Variants in AKR1C3 observed in about 807,000 individuals in gnomAD.
The protein encoded by AKR1C3 is 3-alpha hydroxysteroid dehydrogenase, type II.
Under a neutral mutation model 43.6 loss-of-function variants are expected in AKR1C3, and 48 were observed. That is an observed-to-expected ratio of 1.10 (90% CI 0.87 to 1.40). The LOEUF is 1.40. Among genes scored for constraint, AKR1C3 ranks in the 40% most tolerant of loss-of-function variants. AKR1C3 has a pLI of 0.00. For missense variants in AKR1C3, 482 were observed against 391.2 expected, an observed-to-expected ratio of 1.23 and a Z score of -1.96; for synonymous variants, 162 against 139.6, an observed-to-expected ratio of 1.16 and a Z score of -1.13.
At chr10:5,084,488 T>C (rs1838917227) in intron 1 of AKR1C3, among the ~76,000 whole-genome samples, 1 of 151,962 alleles carries the variant, frequency 6.6e-6, no homozygotes, top group African/African-American at 2.4e-5. Flanking sequence ...AGCCTTGTAG[T>C]ATAGTTTGAA....
chr10:5,059,375 T>C (rs142906126), intron 1 of AKR1C3, among the ~76,000 whole-genome samples: 110 of 152,216 alleles, frequency 7.2e-4, no homozygotes, highest in African/African-American at 2.5e-3. Flanking sequence ...TCAGGATAGA[T>C]AGGATAGATG....
intron 3 of AKR1C3, 49 bp from the exon 4 acceptor site, chr10:5,098,753 G>C: frequency 6.7e-7 from 1 of 1,502,376 alleles, no homozygotes; most frequent in Non-Finnish European, 9.3e-7. Context: ...ACAGCTATGA[G>C]TGGAGAAATT....
At chr10:5,085,054 T>C (rs1422072370) in intron 1 of AKR1C3, among the ~76,000 whole-genome samples, 22 of 152,292 alleles carry the variant, frequency 1.4e-4, no homozygotes, top group African/African-American at 5.3e-4. Flanking sequence ...CTTTTCCTAA[T>C]TGAATACCCT....
intron 1 of AKR1C3, among the ~76,000 whole-genome samples, chr10:5,087,918 G>A (rs978137730): frequency 6.6e-6 from 1 of 151,846 alleles, no homozygotes; most frequent in Non-Finnish European, 1.5e-5. Flanking sequence ...GTGACTTTAG[G>A]TGGTGAGTTT....
At chr10:5,091,492 T>A (rs1255528941), upstream of AKR1C3, among the ~76,000 whole-genome samples, 2 of 152,182 alleles carry the variant, frequency 1.3e-5, no homozygotes, top group Non-Finnish European at 2.9e-5. Context: ...TTTAGCTTTT[T>A]GTCCTTCATA....
In AKR1C3 at chr10:5,085,002, A is replaced by G. The variant is rs1201437067; in HGVS notation, c.85-11408A>G. 1.5e-4 allele frequency among the ~76,000 whole-genome samples: 23 copies of G among 152,290 alleles called. No individual in the cohort carries two copies. In the East Asian group the frequency reaches 4.1e-3, roughly 27 times the overall value. On this transcript the variant is annotated intron_variant, in intron 1 of 8. Coordinates refer to the AKR1C3 transcript ENST00000439082. The stretch of plus-strand genomic sequence containing the variant: ...GCTGAGACAATGGGGTTTTCTAGAT[A>G]CACAATCATGTCATCTGCAAACAGG...
intron 1 of AKR1C3, among the ~76,000 whole-genome samples, chr10:5,056,392 T>C (rs1207705244): frequency 1.3e-5 from 2 of 152,146 alleles, no homozygotes; most frequent in African/African-American, 4.8e-5. Context: ...TGGGTACAAC[T>C]GGATATAGAG....
Position 5,099,489 on chromosome 10 carries a change from C to T in AKR1C3, c.570+40C>T, listed in dbSNP as rs782613157. On this transcript the variant is annotated intron_variant, in intron 5 of 8. Coordinates refer to ENST00000380554, the MANE Select transcript of AKR1C3 (RefSeq NM_003739.6). Reference sequence around the variant, plus strand: ...CCTTCTCTCCTTTCGGTTCTTCATGCCCCCTCTTCCTGTCCTATTGCCAAA... The same window carrying T: ...CCTTCTCTCCTTTCGGTTCTTCATGTCCCCTCTTCCTGTCCTATTGCCAAA... The T allele has an allele frequency of 1.1e-5, 17 of 1,613,370 alleles. No individual in the cohort carries two copies. In the East Asian group the frequency reaches 2.0e-4, roughly 19 times the overall value.
chr10:5,076,210 C>A (rs1452020495), intron 1 of AKR1C3, among the ~76,000 whole-genome samples: 1 of 152,140 alleles, frequency 6.6e-6, no homozygotes, highest in Non-Finnish European at 1.5e-5. Flanking sequence ...TACCTACTTG[C>A]TATGGTTTGA....
rs1450135550 is a variant in AKR1C3 at position 5,106,765 on chromosome 10, G to T, written c.930-696G>T. Among the ~76,000 whole-genome samples, 32 of 134,446 alleles carry T rather than the reference G, an allele frequency of 2.4e-4. 1 individual carries two copies. Among genetic ancestry groups the T allele is most frequent in the Middle Eastern group, 8.2e-3 (2 of 244 alleles). 88.2% of individuals were successfully genotyped at this position (134,446 alleles called of 152,430 possible). On this transcript the variant is annotated intron_variant, in intron 8 of 8. Transcript: ENST00000380554. ...TGAGGCTCCATCTCAAAAAAAAAAAGCAGGAAGTTATGTAACTGCTGGCAG... is the reference window on the plus strand; with the variant it reads ...TGAGGCTCCATCTCAAAAAAAAAAATCAGGAAGTTATGTAACTGCTGGCAG...
At chr10:5,065,561 G>A (rs1166993491) in intron 1 of AKR1C3, among the ~76,000 whole-genome samples, 3 of 152,142 alleles carry the variant, frequency 2.0e-5, no homozygotes, top group Admixed American at 2.0e-4. Flanking sequence ...GAATAAAGTA[G>A]CAAAAGGAGA....
At chr10:5,095,747 TA>T (rs59890398) in intron 1 of AKR1C3, among the ~76,000 whole-genome samples, 145,074 of 152,124 alleles carry the variant, frequency 0.95, 69,220 homozygotes, top group East Asian at 1. Flanking sequence ...AGTAAATTCT[TA>T]ACAGATTTCA....
upstream of AKR1C3, among the ~76,000 whole-genome samples, chr10:5,092,186 CAG>C (rs1350296429): frequency 6.6e-6 from 1 of 152,060 alleles, no homozygotes; most frequent in African/African-American, 2.4e-5. Flanking sequence ...GTACATAATA[CAG>C]AGTTATGTTT....
At position 5,105,653 on chromosome 10, in the gene AKR1C3, A is replaced by G; in HGVS notation, c.905A>G (p.Asn302Ser). 6.2e-7 allele frequency: 1 copy of G among 1,613,880 alleles called. No individual in the cohort carries two copies. Among genetic ancestry groups the G allele is most frequent in the Non-Finnish European group, 8.5e-7 (1 of 1,179,780 alleles). The change falls in exon 8 of 9, where the codon AAT becomes AGT. Residue 302 changes from asparagine (N) to serine (S), a missense_variant. Transcript: ENST00000380554. ...DMKAIDGLDR[N>S]LHYFNSDSFA... ...AAAGCCATAGATGGCCTAGACAGAA[A>G]TCTCCACTATTTTAACAGTGATAGG...
intron 6 of AKR1C3, 58 bp downstream of exon 6, chr10:5,102,268 C>A: frequency 6.3e-7 from 1 of 1,580,462 alleles, no homozygotes; most frequent in South Asian, 1.1e-5. Context: ...ATTTTTTAGT[C>A]AGAGCATCCT....
chr10:5,092,445 C>A (rs1279943520), upstream of AKR1C3, among the ~76,000 whole-genome samples: 3 of 150,468 alleles, frequency 2.0e-5, no homozygotes, highest in Non-Finnish European at 4.4e-5. Flanking sequence ...TTGATGGTGT[C>A]CTACAAGCCC....
intron 1 of AKR1C3, among the ~76,000 whole-genome samples, chr10:5,086,797 T>C (rs184045075): frequency 6.6e-6 from 1 of 152,364 alleles, no homozygotes; most frequent in Non-Finnish European, 1.5e-5. Flanking sequence ...TAGTTAGCTC[T>C]TCTTGTTGAA....
chr10:5,094,594 T>G, intron 1 of AKR1C3, 66 bp downstream of exon 1: 2 of 1,553,340 alleles, frequency 1.3e-6, no homozygotes, highest in South Asian at 2.2e-5. Context: ...GAAACCCGTA[T>G]TGGGTTGTAA....
chr10:5,088,838 G>T (rs1333464886), intron 1 of AKR1C3, among the ~76,000 whole-genome samples: 1 of 151,880 alleles, frequency 6.6e-6, no homozygotes, highest in Non-Finnish European at 1.5e-5. Flanking sequence ...TTTTGTTTCT[G>T]TCATGGTCTT....
Sources: allele counts gnomAD v4.1 joint callset (sites outside exome capture counted in the v4.1 genomes callset), GRCh38; gene constraint gnomAD v4.1.1; transcripts MANE v1.5; gene names NCBI Gene and HGNC (gene_info 2026-07-23, HGNC 2026-07-21).